The following AKAP6 variants were observed in gnomAD, a reference collection of about 807,000 sequenced individuals.
AKAP6 encodes the protein A-kinase anchoring protein 6.
Under a neutral mutation model 188.5 loss-of-function variants are expected in AKAP6, and 58 were observed. The ratio of observed to expected loss-of-function variants is 0.31; its 90% confidence interval spans 0.25 to 0.38. The LOEUF is 0.38. Among genes scored for constraint, AKAP6 ranks in the 10% least tolerant of loss-of-function variants. AKAP6 has a pLI of 1.00. For missense variants in AKAP6, 2,710 were observed against 2,740.0 expected, an observed-to-expected ratio of 0.99 and a Z score of 0.24; for synonymous variants, 989 against 998.6, an observed-to-expected ratio of 0.99 and a Z score of 0.18.
chr14:32,631,929 T>C (rs1368672139), intron 7 of AKAP6, among the ~76,000 whole-genome samples: 3 of 152,084 alleles, frequency 2.0e-5, no homozygotes, highest in African/African-American at 7.2e-5. Context: ...GATGACATTG[T>C]ATTAGCATTC....
At chr14:32,462,830 A>G (rs757467474) in intron 2 of AKAP6, among the ~76,000 whole-genome samples, 2 of 148,430 alleles carry the variant, frequency 1.3e-5, no homozygotes, top group Non-Finnish European at 3.0e-5. Context: ...CAAGAGACCC[A>G]TCTCACGTGC....
intron 12 of AKAP6, among the ~76,000 whole-genome samples, chr14:32,778,105 TCAAAAATGAAGACAAA>T (rs2033123962): frequency 6.6e-6 from 1 of 152,166 alleles, no homozygotes; most frequent in African/African-American, 2.4e-5. Context: ...AAAATATCAT[TCAAAAATGAAGACAAA>T]ATAGTTTTCA....
chr14:32,377,029 T>C (rs10129362), intron 1 of AKAP6, among the ~76,000 whole-genome samples: 18,588 of 152,232 alleles, frequency 0.12, 1,966 homozygotes, highest in African/African-American at 0.28. Flanking sequence ...TGTTTGCTTT[T>C]GGGTTTAGGT....
intron 1 of AKAP6, among the ~76,000 whole-genome samples, chr14:32,419,395 T>A (rs185131627): frequency 2.6e-5 from 4 of 152,188 alleles, no homozygotes; most frequent in Admixed American, 6.5e-5. Context: ...TCGTGCTCTT[T>A]ATGAAAGTTC....
intron 4 of AKAP6, among the ~76,000 whole-genome samples, chr14:32,556,425 C>T (rs1883691369): frequency 6.6e-6 from 1 of 152,176 alleles, no homozygotes. Context: ...TCACTGTGGC[C>T]TTGACCTCCC....
At chr14:32,742,761 G>C (rs188400948) in intron 11 of AKAP6, among the ~76,000 whole-genome samples, 162 of 152,004 alleles carry the variant, frequency 1.1e-3, no homozygotes, top group African/African-American at 3.8e-3. Flanking sequence ...TTTTTGGAAT[G>C]TTTTAAGACT....
At chr14:32,645,414 G>T (rs909000236) in intron 7 of AKAP6, among the ~76,000 whole-genome samples, 1 of 152,086 alleles carries the variant, frequency 6.6e-6, no homozygotes, top group South Asian at 2.1e-4. Context: ...TCATAACTGG[G>T]CTCCTCTTGT....
In AKAP6 at chr14:32,367,524, A is replaced by G. The variant is rs1594546451; in HGVS notation, c.-35+38116A>G. ...TAGATTTTTCTTTTTCTTTGTTATT[A>G]TCAAAAGTTGACTACTGATTTCAAT... On this transcript the variant is annotated intron_variant, in intron 1 of 13. Transcript: ENST00000280979. Among the ~76,000 whole-genome samples the G allele has an allele frequency of 2.0e-5, 3 of 152,208 alleles. No individual in the cohort carries two copies. In the South Asian group the frequency reaches 6.2e-4, roughly 32 times the overall value.
intron 7 of AKAP6, among the ~76,000 whole-genome samples, chr14:32,626,976 A>G (rs1887051535): frequency 6.6e-6 from 1 of 152,122 alleles, no homozygotes; most frequent in Non-Finnish European, 1.5e-5. Flanking sequence ...ATTGGGAATC[A>G]CTGAATTGTT....
intron 2 of AKAP6, among the ~76,000 whole-genome samples, chr14:32,450,778 AAGT>A (rs1188298072): frequency 7.2e-5 from 11 of 152,116 alleles, no homozygotes; most frequent in African/African-American, 2.7e-4. Context: ...TCCTTCTAAA[AAGT>A]AGAAGGAGGG....
intron 2 of AKAP6, among the ~76,000 whole-genome samples, chr14:32,467,588 C>G (rs2138848905): frequency 6.6e-6 from 1 of 152,154 alleles, no homozygotes; most frequent in Admixed American, 6.5e-5. Context: ...ACTAAATTGT[C>G]AGAATCAGGA....
intron 9 of AKAP6, 53 bp from the exon 10 acceptor site, chr14:32,732,401 T>C (rs2031217252): frequency 6.4e-7 from 1 of 1,551,396 alleles, no homozygotes; most frequent in African/African-American, 1.4e-5. Context: ...TTCAATGATT[T>C]TCTAAGAACA....
chr14:32,665,399 T>G (rs756706241), intron 7 of AKAP6, among the ~76,000 whole-genome samples: 4 of 152,030 alleles, frequency 2.6e-5, no homozygotes, highest in African/African-American at 9.7e-5. Context: ...AACACTTATT[T>G]ACATTTACTG....
At chr14:32,509,900 C>A (rs914803227) in intron 2 of AKAP6, among the ~76,000 whole-genome samples, 2 of 152,180 alleles carry the variant, frequency 1.3e-5, no homozygotes, top group Non-Finnish European at 2.9e-5. Flanking sequence ...TTACTTGACG[C>A]TCCTTCATTC....
At chr14:32,541,697 C>T (rs1194840078) in intron 3 of AKAP6, among the ~76,000 whole-genome samples, 1 of 152,058 alleles carries the variant, frequency 6.6e-6, no homozygotes, top group African/African-American at 2.4e-5. Context: ...TGGAATTTAA[C>T]CATCGTTTTA....
chr14:32,583,166 T>C (rs1885059526), intron 5 of AKAP6, among the ~76,000 whole-genome samples: 1 of 152,200 alleles, frequency 6.6e-6, no homozygotes, highest in Non-Finnish European at 1.5e-5. Context: ...GATGGGTTTT[T>C]GGTGTAGGTG....
intron 12 of AKAP6, among the ~76,000 whole-genome samples, chr14:32,796,011 A>G (rs760374403): frequency 3.9e-5 from 6 of 152,212 alleles, no homozygotes; most frequent in Non-Finnish European, 8.8e-5. Flanking sequence ...TAGACAAATC[A>G]TGGATGAACT....
intron 2 of AKAP6, among the ~76,000 whole-genome samples, chr14:32,461,460 T>G (rs1414159668): frequency 6.6e-6 from 1 of 152,164 alleles, no homozygotes; most frequent in East Asian, 1.9e-4. Context: ...TCTAGCAAAC[T>G]GTAGCAGACC....
In AKAP6 at chr14:32,607,803, A is replaced by G. The variant is rs1436771960; in HGVS notation, c.2730+7011A>G. On this transcript the variant is annotated intron_variant, in intron 7 of 13. Transcript: ENST00000280979. ...CTGTGCAGAAATATTTCTAAAAGCCAGTATCCGATCTGGTTCCTTTCCTGC... is the reference window on the plus strand; with the variant it reads ...CTGTGCAGAAATATTTCTAAAAGCCGGTATCCGATCTGGTTCCTTTCCTGC... 2.6e-5 allele frequency among the ~76,000 whole-genome samples: 4 copies of G among 152,216 alleles called. 1 individual carries two copies. The highest frequency in any genetic ancestry group is 7.2e-5 in the African/African-American group (3 of 41,466).
Sources: allele counts gnomAD v4.1 joint callset (sites outside exome capture counted in the v4.1 genomes callset), GRCh38; gene constraint gnomAD v4.1.1; transcripts MANE v1.5; gene names NCBI Gene and HGNC (gene_info 2026-07-23, HGNC 2026-07-21).